The following NRG2 variants were observed in gnomAD, a reference collection of about 807,000 sequenced individuals.
NRG2 encodes the protein pro-neuregulin-2, membrane-bound isoform.
NRG2 carries 27 observed loss-of-function variants against 73.9 expected under a neutral mutation model. The ratio of observed to expected loss-of-function variants is 0.37; its 90% confidence interval spans 0.27 to 0.50. NRG2 has a LOEUF of 0.50. NRG2 is among the 20% of genes least tolerant of loss of function. The pLI is 0.96. For synonymous variants in NRG2, 532 were observed against 541.0 expected (o/e 0.98, Z 0.23); for missense variants, 1,126 against 1,210.1 (o/e 0.93, Z 1.03).
At chr5:139,886,420 T>C (rs904700264) in intron 2 of NRG2, among the ~76,000 whole-genome samples, 1 of 152,102 alleles carries the variant, frequency 6.6e-6, no homozygotes, top group Non-Finnish European at 1.5e-5. Context: ...CCATCCTAAT[T>C]TGCATTTTGT....
intron 1 of NRG2, among the ~76,000 whole-genome samples, chr5:140,029,658 A>G (rs1417319838): frequency 1.4e-5 from 2 of 145,882 alleles, no homozygotes; most frequent in African/African-American, 5.1e-5. Flanking sequence ...ACTGCACTCC[A>G]GCCTGGGTGA....
At chr5:140,011,305 A>C (rs1434219300) in intron 1 of NRG2, among the ~76,000 whole-genome samples, 1 of 152,170 alleles carries the variant, frequency 6.6e-6, no homozygotes, top group Admixed American at 6.5e-5. Context: ...TCCCTGCCTG[A>C]TAACTCCTTA....
chr5:139,852,501 G>A lies in NRG2; in HGVS notation c.1475C>T (p.Thr492Ile). ...AGAACAGGAGTGGCTCCCAGAGAAG[G>A]TGGTCTCAGTTTCTCTCCTGATGAC... ...DHVIRRETETTFSGSHSCSPS... is the reference protein window; with the variant it reads ...DHVIRRETETIFSGSHSCSPS... The change falls in exon 8 of 10, where the codon ACC becomes ATC. Residue 492 changes from threonine to isoleucine, a missense_variant. Coordinates refer to ENST00000361474, the MANE Select transcript of NRG2 (RefSeq NM_004883.3). This position sits in a 1 kb window ranked among gnomAD's most constrained non-coding sequence, Gnocchi z 4.4. 2 of 1,614,122 alleles carry A rather than the reference G, an allele frequency of 1.2e-6. No individual in the cohort carries two copies. The highest frequency in any genetic ancestry group is 1.7e-6 in the Non-Finnish European group (2 of 1,179,964).
chr5:139,875,685 G>T (rs950826604), intron 3 of NRG2, among the ~76,000 whole-genome samples: 2 of 152,266 alleles, frequency 1.3e-5, no homozygotes, highest in African/African-American at 4.8e-5. Flanking sequence ...TAGCACTTTT[G>T]GGAGACCAAG....
At chr5:139,859,979 CAG>C (rs1405162662) in intron 5 of NRG2, 66 of 1,500,302 alleles carry the variant, frequency 4.4e-5, no homozygotes, top group East Asian at 3.2e-4. Context: ...TGGGTGGGGA[CAG>C]GGGGAGAGAG....
chr5:139,901,139 C>G (rs1764863301), intron 1 of NRG2, among the ~76,000 whole-genome samples: 1 of 152,260 alleles, frequency 6.6e-6, no homozygotes, highest in Non-Finnish European at 1.5e-5. Context: ...CCTACCCCAG[C>G]TGTACCGCTG....
At position 139,852,781 on chromosome 5, in the gene NRG2, GC is replaced by G; in HGVS notation, c.1416+122del. 2 of 1,518,504 alleles carry G rather than the reference GC, an allele frequency of 1.3e-6. No individual in the cohort carries two copies. The highest frequency in any genetic ancestry group is 4.1e-5 in the Admixed American group (2 of 49,066). The allele number at this position is 1,518,504 out of a possible 1,614,324, so 94.1% of individuals were successfully genotyped here. On this transcript the variant is annotated intron_variant, in intron 7 of 9. Transcript: ENST00000361474. This position sits in a 1 kb window ranked among gnomAD's most constrained non-coding sequence, Gnocchi z 4.4. ...AGGCCAGCCATCCTGGTGAGGCAGT[GC>G]CTAGCAGGCAAGGCTGGCCATGGGA...
chr5:139,972,751 A>C (rs1156241275), intron 1 of NRG2, among the ~76,000 whole-genome samples: 1 of 152,188 alleles, frequency 6.6e-6, no homozygotes, highest in Non-Finnish European at 1.5e-5. Flanking sequence ...AAACTACTAA[A>C]GGCAAACAAT....
chr5:139,996,769 C>T (rs983667917), intron 1 of NRG2, among the ~76,000 whole-genome samples: 1 of 152,218 alleles, frequency 6.6e-6, no homozygotes, highest in Non-Finnish European at 1.5e-5. Context: ...CCATCAATTA[C>T]CTCTTTTAGT....
intron 1 of NRG2, among the ~76,000 whole-genome samples, chr5:139,932,221 AGTGTGTGTGTGTGTGTGTGT>A (rs3056594): frequency 6.4e-5 from 9 of 141,460 alleles, no homozygotes; most frequent in African/African-American, 1.8e-4. Context: ...AAGAAAATGT[AGTGTGTGTGTGTGTGTGTGT>A]GTGTGTGTGT....
intron 1 of NRG2, among the ~76,000 whole-genome samples, chr5:139,908,822 G>A (rs1316778195): frequency 2.0e-5 from 3 of 152,208 alleles, no homozygotes; most frequent in East Asian, 1.9e-4. Flanking sequence ...GAGTCACGAG[G>A]CACCCTGGGG....
chr5:140,020,718 A>C (rs1032220324), intron 1 of NRG2, among the ~76,000 whole-genome samples: 1 of 152,262 alleles, frequency 6.6e-6, no homozygotes, highest in Admixed American at 6.5e-5. Flanking sequence ...GTCTCCTAGC[A>C]AAGGTTGAGA....
At chr5:139,863,969 A>G (rs1199305464) in intron 5 of NRG2, among the ~76,000 whole-genome samples, 2 of 152,066 alleles carry the variant, frequency 1.3e-5, no homozygotes, top group African/African-American at 4.8e-5. Context: ...CCACCCTGAG[A>G]CCTAAATCCC....
intron 3 of NRG2, among the ~76,000 whole-genome samples, chr5:139,879,051 C>G (rs1763364582): frequency 6.6e-6 from 1 of 152,174 alleles, no homozygotes; most frequent in African/African-American, 2.4e-5. Flanking sequence ...CTATCATTAA[C>G]TAGGTGTTTG....
intron 4 of NRG2, among the ~76,000 whole-genome samples, chr5:139,866,915 G>A (rs1300157702): frequency 3.9e-5 from 6 of 152,218 alleles, no homozygotes; most frequent in African/African-American, 1.4e-4. Flanking sequence ...CTAAGGAGAA[G>A]CTTACAGGGA....
At chr5:139,974,975 GC>G (rs1284626470) in intron 1 of NRG2, among the ~76,000 whole-genome samples, 2 of 152,220 alleles carry the variant, frequency 1.3e-5, no homozygotes, top group African/African-American at 4.8e-5. Context: ...TAGGCCATGC[GC>G]CCCCTGTGTG....
chr5:139,948,254 C>G (rs575863490), intron 1 of NRG2, among the ~76,000 whole-genome samples: 1 of 152,184 alleles, frequency 6.6e-6, no homozygotes. Context: ...TTTCCTGAGA[C>G]GAATACTCTT....
At chr5:139,938,909 G>GA (rs1264281878) in intron 1 of NRG2, among the ~76,000 whole-genome samples, 2 of 42,870 alleles carry the variant, frequency 4.7e-5, no homozygotes, top group Admixed American at 2.6e-4. Context: ...AGAAAGAAAA[G>GA]AAAGAAAGAA....
In NRG2 at chr5:139,851,500, T is replaced by G. The variant is rs1761412477; in HGVS notation, c.1772+104A>C. The G allele has an allele frequency of 1.3e-4, 138 of 1,069,132 alleles. No individual in the cohort carries two copies. The highest frequency in any genetic ancestry group is 3.4e-4 in the East Asian group (14 of 41,778). 66.2% of individuals were successfully genotyped at this position (1,069,132 alleles called of 1,614,324 possible). ...TGTTTTCCCATATGAAAAATGGAGATGAGGCTCTTTGGAGTGTTTCTGAGG... is the reference window on the plus strand; with the variant it reads ...TGTTTTCCCATATGAAAAATGGAGAGGAGGCTCTTTGGAGTGTTTCTGAGG... On this transcript the variant is annotated intron_variant, in intron 9 of 9. Coordinates refer to ENST00000361474, the MANE Select transcript of NRG2 (RefSeq NM_004883.3). The surrounding 1 kb of genome is among the most constrained non-coding windows in gnomAD (Gnocchi z 4.2).
Sources: allele counts gnomAD v4.1 joint callset (sites outside exome capture counted in the v4.1 genomes callset), GRCh38; gene constraint gnomAD v4.1.1; non-coding constraint Gnocchi (gnomAD v3.1); transcripts MANE v1.5; gene names NCBI Gene and HGNC (gene_info 2026-07-23, HGNC 2026-07-21).